The following TEX26 variants were observed in gnomAD, a reference collection of about 807,000 sequenced individuals.
The protein encoded by TEX26 is testis expressed 26.
A neutral mutation model predicts 35.3 loss-of-function variants in TEX26; 34 were observed. That is an observed-to-expected ratio of 0.96 (90% CI 0.73 to 1.28). The LOEUF (loss-of-function observed/expected upper bound fraction) is 1.28. Ranked by LOEUF, TEX26 falls within the 50% of genes most tolerant of loss-of-function variation. The pLI, the probability that TEX26 is intolerant of heterozygous loss-of-function variation, is 0.00. For missense variants in TEX26, 371 were observed against 330.1 expected (o/e 1.12, Z -0.96); for synonymous variants, 136 against 111.8 (o/e 1.22, Z -1.36).
chr13:30,935,933 GGTCTCT>G (rs1953257856), intron 1 of TEX26, among the ~76,000 whole-genome samples: 1 of 152,212 alleles, frequency 6.6e-6, no homozygotes, highest in African/African-American at 2.4e-5. Flanking sequence ...CATTACTCCA[GGTCTCT>G]GTCTCTGTCT....
intron 2 of TEX26, among the ~76,000 whole-genome samples, chr13:30,940,744 C>A (rs1397176527): frequency 1.3e-5 from 2 of 152,006 alleles, no homozygotes; most frequent in Admixed American, 1.3e-4. Context: ...TCACCTTAAG[C>A]CTGGACAACA....
intron 4 of TEX26, among the ~76,000 whole-genome samples, chr13:30,959,569 G>T (rs9562331): frequency 6.6e-6 from 1 of 151,394 alleles, no homozygotes; most frequent in African/African-American, 2.5e-5. Context: ...GCTGAGCCAA[G>T]TTGTATTTCA....
chr13:30,950,571 AG>A (rs1953882149), intron 2 of TEX26, among the ~76,000 whole-genome samples: 1 of 152,290 alleles, frequency 6.6e-6, no homozygotes, highest in East Asian at 1.9e-4. Context: ...CTTCTCTCAG[AG>A]GCCTCTCCCT....
chr13:30,943,849 A>C (rs1953604407), intron 2 of TEX26, among the ~76,000 whole-genome samples: 1 of 151,836 alleles, frequency 6.6e-6, no homozygotes, highest in Non-Finnish European at 1.5e-5. Flanking sequence ...TCGATGTGCT[A>C]TTGAATTCAG....
intron 2 of TEX26, among the ~76,000 whole-genome samples, chr13:30,950,171 C>G (rs1215649118): frequency 6.6e-6 from 1 of 152,150 alleles, no homozygotes; most frequent in African/African-American, 2.4e-5. Flanking sequence ...TTTGGGAGGC[C>G]AAGGCGGGTA....
intron 1 of TEX26, among the ~76,000 whole-genome samples, chr13:30,935,829 G>C (rs1176845258): frequency 6.6e-6 from 1 of 152,142 alleles, no homozygotes; most frequent in Non-Finnish European, 1.5e-5. Flanking sequence ...ACCTCAATGC[G>C]GGACAAAAAC....
chr13:30,944,947 T>A (rs1953648469), intron 2 of TEX26, among the ~76,000 whole-genome samples: 1 of 152,034 alleles, frequency 6.6e-6, no homozygotes, highest in African/African-American at 2.4e-5. Flanking sequence ...TTTGTAAATA[T>A]TTGTTAGGTC....
At chr13:30,973,907 T>C (rs1015447874) in intron 6 of TEX26, among the ~76,000 whole-genome samples, 25 of 151,780 alleles carry the variant, frequency 1.6e-4, no homozygotes, top group Admixed American at 9.9e-4. Flanking sequence ...CCCAGCACTT[T>C]GGGAAGCCGA....
intron 6 of TEX26, among the ~76,000 whole-genome samples, chr13:30,971,624 T>G (rs117290479): frequency 0.032 from 4,880 of 152,326 alleles, 119 homozygotes; most frequent in Non-Finnish European, 0.051. Context: ...AGGCAAACCT[T>G]TCATTTCCAC....
chr13:30,962,641 C>T (rs1022634495), intron 4 of TEX26, among the ~76,000 whole-genome samples: 1 of 152,180 alleles, frequency 6.6e-6, no homozygotes, highest in African/African-American at 2.4e-5. Flanking sequence ...CATGTCTTAG[C>T]TTTTTATCCT....
intron 5 of TEX26, among the ~76,000 whole-genome samples, chr13:30,967,462 A>G (rs1593607292): frequency 6.6e-6 from 1 of 152,114 alleles, no homozygotes. Flanking sequence ...TCCTTGCTAA[A>G]CTTCTAGCCA....
intron 6 of TEX26, among the ~76,000 whole-genome samples, chr13:30,971,707 GTGACTATTC>G (rs2138354146): frequency 6.6e-6 from 1 of 152,340 alleles, no homozygotes; most frequent in African/African-American, 2.4e-5. Flanking sequence ...GTTATCTTTA[GTGACTATTC>G]TACTTTCAAA....
intron 2 of TEX26, among the ~76,000 whole-genome samples, chr13:30,948,409 C>T (rs1221059158): frequency 6.6e-6 from 1 of 152,128 alleles, no homozygotes; most frequent in Non-Finnish European, 1.5e-5. Flanking sequence ...CTGTTGTTTC[C>T]TGACTTTTTA....
chr13:30,974,156 A>ATATATATATATATATAT (rs1566172295), intron 6 of TEX26, among the ~76,000 whole-genome samples: 14 of 142,248 alleles, frequency 9.8e-5, no homozygotes, highest in East Asian at 2.0e-4. Context: ...ATATATATAT[A>ATATATATATATATATAT]ATTAGGAGTA....
intron 2 of TEX26, among the ~76,000 whole-genome samples, chr13:30,946,740 A>G (rs1008837355): frequency 6.6e-6 from 1 of 152,014 alleles, no homozygotes; most frequent in Non-Finnish European, 1.5e-5. Context: ...GAGTCTTTGT[A>G]TGATGGCTTT....
At position 30,944,692 on chromosome 13, in the gene TEX26, C is replaced by T. The variant is rs1432441377; in HGVS notation, c.146+4914C>T. On this transcript the variant is annotated intron_variant, in intron 2 of 6. Transcript: ENST00000380473. The stretch of plus-strand genomic sequence containing the variant: ...CTTTTTAATTTCCATCTTGATTTCA[C>T]TGTTAACCCAAAAATCATGCAGGAG... Among the ~76,000 whole-genome samples the T allele has an allele frequency of 2.6e-5, 4 of 151,832 alleles. No individual in the cohort carries two copies. The East Asian group carries it at 7.7e-4, about 29-fold the overall frequency.
chr13:30,940,613 G>C (rs1032226363), intron 2 of TEX26, among the ~76,000 whole-genome samples: 1 of 152,126 alleles, frequency 6.6e-6, no homozygotes, highest in African/African-American at 2.4e-5. Flanking sequence ...GATTACAGGC[G>C]TGAGCCACCA....
intron 2 of TEX26, among the ~76,000 whole-genome samples, chr13:30,950,233 C>A (rs1953868754): frequency 1.3e-5 from 2 of 152,176 alleles, no homozygotes; most frequent in Non-Finnish European, 2.9e-5. Flanking sequence ...TGGTGAAACC[C>A]TGTCTTTACT....
chr13:30,940,633 G>T (rs1399564553), intron 2 of TEX26, among the ~76,000 whole-genome samples: 1 of 152,102 alleles, frequency 6.6e-6, no homozygotes, highest in African/African-American at 2.4e-5. Context: ...ACATCCGGCT[G>T]CCCCATCATC....
Sources: gnomAD v4.1 joint callset for allele counts (sites outside exome capture counted in the v4.1 genomes callset) on GRCh38, gnomAD v4.1.1 for gene constraint, MANE v1.5 for transcripts, NCBI Gene and HGNC (gene_info 2026-07-23, HGNC 2026-07-21) for gene names.